The following CHDH variants were observed in gnomAD, a reference collection of about 807,000 sequenced individuals.
The protein encoded by CHDH is choline dehydrogenase, mitochondrial.
CHDH carries 43 observed loss-of-function variants against 56.9 expected under a neutral mutation model. The ratio of observed to expected loss-of-function variants is 0.76; its 90% CI spans 0.59 to 0.97. The LOEUF (loss-of-function observed/expected upper bound fraction) is 0.97, where lower values mean the gene tolerates loss of function less well. Among genes scored for constraint, CHDH ranks in the 50% least tolerant of loss-of-function variants. CHDH has a pLI of 0.00. For synonymous variants in CHDH, 364 were observed against 348.5 expected (o/e 1.04, Z -0.50); for missense variants, 816 against 821.1 (o/e 0.99, Z 0.08).
rs2106954629 is a variant in CHDH, at chr3:53,817,772, C to G, written c.*5G>C. On this transcript the variant is annotated 3_prime_UTR_variant, in exon 9 of 9. Coordinates refer to ENST00000315251, the MANE Select transcript of CHDH (RefSeq NM_018397.5). ...TTCCCTGGTCATCCTCCAGCAGCAA[C>G]TGTCTTAGCGCTGGGTGGCCAGCGT... 1 of 1,580,240 alleles carries G rather than the reference C, an allele frequency of 6.3e-7. No individual in the cohort carries two copies. The highest frequency in any genetic ancestry group is 1.2e-5 in the South Asian group (1 of 84,892).
rs895650150 is a variant in CHDH, at chr3:53,821,099, G to A, written c.986-491C>T. ...CAACATCATGAAGCAGCACTTCCCCGGGCCCCTCATGATGAAGCCTAAAGG... is the reference window on the plus strand; with the variant it reads ...CAACATCATGAAGCAGCACTTCCCCAGGCCCCTCATGATGAAGCCTAAAGG... On this transcript the variant is annotated intron_variant, in intron 5 of 8. Transcript: ENST00000315251. 4.6e-5 allele frequency among the ~76,000 whole-genome samples: 7 copies of A among 152,354 alleles called. No individual in the cohort carries two copies. The East Asian group carries it at 5.8e-4, about 13-fold the overall frequency.
At position 53,814,985 on chromosome 3, in the gene CHDH, A is replaced by AGAT. The variant is rs536455266; in HGVS notation, c.*2789_*2791dup. On this transcript the variant is annotated 3_prime_UTR_variant, in exon 9 of 9. Transcript: ENST00000315251. Reference sequence around the variant, plus strand: ...AAGAAGAATCTATTTGAATTCGTGGAGATGATGCCTGCAACCTTCGCTACA... The same window carrying AGAT: ...AAGAAGAATCTATTTGAATTCGTGGAGATGATGATGCCTGCAACCTTCGCTACA... 41 of 152,280 alleles carry AGAT rather than the reference A, an allele frequency of 2.7e-4. No individual in the cohort carries two copies. Among genetic ancestry groups the AGAT allele is most frequent in the African/African-American group, 9.9e-4 (41 of 41,542 alleles). The allele number at this position is 152,280 out of a possible 1,614,324, so 9.4% of individuals were successfully genotyped here.
intron 2 of CHDH, among the ~76,000 whole-genome samples, chr3:53,837,413 C>T (rs1465267049): frequency 1.3e-5 from 2 of 152,178 alleles, no homozygotes; most frequent in Admixed American, 6.5e-5. Flanking sequence ...TAAAAAGGGG[C>T]AGATGGGACT....
At chr3:53,839,920 G>A (rs1211895500) in intron 2 of CHDH, among the ~76,000 whole-genome samples, 1 of 152,204 alleles carries the variant, frequency 6.6e-6, no homozygotes, top group East Asian at 1.9e-4. Context: ...CAGCAACACT[G>A]ATGGAAATGG....
At chr3:53,821,502 A>G in intron 5 of CHDH, 145 bp downstream of exon 5, 2 of 704,708 alleles carry the variant, frequency 2.8e-6, no homozygotes, top group Non-Finnish European at 4.8e-6. Flanking sequence ...AGGCCTGGGA[A>G]ACCTTCGGGC....
Position 53,823,837 on chromosome 3 carries a change from T to C in CHDH, c.172A>G (p.Arg58Gly), listed in dbSNP as rs758785924. The change falls in exon 3 of 9, where the codon AGG becomes GGG. Residue 58 changes from arginine to glycine, a missense_variant. Physicochemically the swap from Arg to Gly is moderately radical, Grantham distance 125. Coordinates refer to ENST00000315251, the MANE Select transcript of CHDH (RefSeq NM_018397.5). Reference protein sequence around the residue: ...AGSAGCVLAGRLTEDPAERVL... With the variant: ...AGSAGCVLAGGLTEDPAERVL... ...CGCTCGGCGGGGTCCTCCGTGAGCC[T>C]CCCAGCCAGCACGCAGCCCGCCGAG... 2 of 1,584,698 alleles carry C rather than the reference T, an allele frequency of 1.3e-6. No individual in the cohort carries two copies. The highest frequency in any genetic ancestry group is 1.1e-5 in the South Asian group (1 of 89,148).
intron 1 of CHDH, among the ~76,000 whole-genome samples, chr3:53,843,951 C>T (rs1698762189): frequency 6.6e-6 from 1 of 152,216 alleles, no homozygotes; most frequent in South Asian, 2.1e-4. Context: ...TCCGGCAGGC[C>T]ACCTGGGACC....
At position 53,816,131 on chromosome 3, in the gene CHDH, A is replaced by ACCCCCCCCCCCCC. The variant is rs202031062; in HGVS notation, c.*1645_*1646insGGGGGGGGGGGGG. On this transcript the variant is annotated 3_prime_UTR_variant, in exon 9 of 9. Transcript: ENST00000315251. ...CAGAAAACTAACTTGTGGCTGTCGG[A>ACCCCCCCCCCCCC]CGCCCCCCCCCCCCGCCCCAGTCTG... is the stretch of plus-strand genomic sequence containing the variant. 3.4e-5 allele frequency: 3 copies of ACCCCCCCCCCCCC among 86,966 alleles called. No homozygotes were observed. The highest frequency in any genetic ancestry group is 2.1e-4 in the African/African-American group (3 of 14,280). The allele number at this position is 86,966 out of a possible 1,614,324, so 5.4% of individuals were successfully genotyped here.
At chr3:53,841,281 C>G (rs1349354979) in intron 1 of CHDH, among the ~76,000 whole-genome samples, 2 of 152,176 alleles carry the variant, frequency 1.3e-5, no homozygotes, top group Non-Finnish European at 2.9e-5. Flanking sequence ...AATCCACCAG[C>G]TTAGGAGGTT....
Position 53,819,589 on chromosome 3 carries a change from G to A in CHDH, c.1206C>T (p.Phe402=), listed in dbSNP as rs754354587. 1.2e-6 allele frequency: 2 copies of A among 1,612,536 alleles called. No homozygotes were observed. The highest frequency in any genetic ancestry group is 1.7e-6 in the Non-Finnish European group (2 of 1,179,240). Residue 402 remains phenylalanine, a synonymous_variant, in exon 7 of 9, where the codon TTC becomes TTT. Transcript: ENST00000315251. This position sits in a 1 kb window ranked among gnomAD's most constrained non-coding sequence, Gnocchi z 5.4. ...CGTGGTCAATCACTTGGGATGGCAGGAAATGGAACTGGATGTCCGGGTGGG... is the reference window on the plus strand; with the variant it reads ...CGTGGTCAATCACTTGGGATGGCAGAAAATGGAACTGGATGTCCGGGTGGG... The part of the protein sequence containing the change: ...GVPHPDIQFH[F]LPSQVIDHGR...
rs190386627 is a variant in CHDH at position 53,844,038 on chromosome 3, G to C, written c.-131+2045C>G. On this transcript the variant is annotated intron_variant, in intron 1 of 8. Transcript: ENST00000315251. ...CCCGAGGGGACAGGCAGACACACCTGTTTGCCCACCTCAACCTCCAGTTGT... is the reference window on the plus strand; with the variant it reads ...CCCGAGGGGACAGGCAGACACACCTCTTTGCCCACCTCAACCTCCAGTTGT... Among the ~76,000 whole-genome samples the C allele has an allele frequency of 1.3e-3, 192 of 152,276 alleles. 1 individual carries two copies. The highest frequency in any genetic ancestry group is 2.2e-3 in the Admixed American group (33 of 15,300).
At chr3:53,844,026 G>C (rs1226217799) in intron 1 of CHDH, among the ~76,000 whole-genome samples, 3 of 152,182 alleles carry the variant, frequency 2.0e-5, no homozygotes, top group Non-Finnish European at 4.4e-5. Flanking sequence ...GAGGGGACAG[G>C]CAGACACACC....
chr3:53,825,069 T>C (rs1488952248), intron 2 of CHDH, among the ~76,000 whole-genome samples: 2 of 152,190 alleles, frequency 1.3e-5, no homozygotes, highest in Non-Finnish European at 2.9e-5. Context: ...GCTGGAACAC[T>C]GAGAAGAACT....
chr3:53,840,467 A>G (rs2106985966), intron 2 of CHDH, among the ~76,000 whole-genome samples: 1 of 152,180 alleles, frequency 6.6e-6, no homozygotes, highest in South Asian at 2.1e-4. Context: ...GTTCAAGGTT[A>G]CGTGAGCTAT....
chr3:53,823,248 T>C (rs1487471497), intron 3 of CHDH, 58 bp downstream of exon 3: 1 of 1,408,122 alleles, frequency 7.1e-7, no homozygotes, highest in Non-Finnish European at 9.3e-7. Flanking sequence ...CGGGCCAAGA[T>C]GGGTGGGGGC....
chr3:53,839,166 T>C (rs1698597314), intron 2 of CHDH, among the ~76,000 whole-genome samples: 1 of 152,236 alleles, frequency 6.6e-6, no homozygotes, highest in Non-Finnish European at 1.5e-5. Context: ...GACCGACTTC[T>C]CTGTATAGTC....
At chr3:53,833,998 C>G (rs1208332871) in intron 2 of CHDH, among the ~76,000 whole-genome samples, 2 of 152,170 alleles carry the variant, frequency 1.3e-5, no homozygotes, top group Admixed American at 6.5e-5. Context: ...ACCCCCACCC[C>G]CAATGCCAGT....
chr3:53,822,430 C>T, intron 4 of CHDH, 61 bp downstream of exon 4: 2 of 1,512,346 alleles, frequency 1.3e-6, no homozygotes, highest in Non-Finnish European at 9.0e-7. Flanking sequence ...CCACTCTGAG[C>T]TGGACCACCA....
rs574970749 is a variant in CHDH, at chr3:53,822,629, G to A, written c.717C>T (p.Ser239=). ...CTGGGTGCAGGTAGGCACAGGCCGCGCTCCACCGTTTGCCTGCAGGATGGA... is the reference window on the plus strand; with the variant it reads ...CTGGGTGCAGGTAGGCACAGGCCGCACTCCACCGTTTGCCTGCAGGATGGA... ...DMTIHEGKRW[S]AACAYLHPAL... Residue 239 remains serine, a synonymous_variant, in exon 4 of 9, where the codon AGC becomes AGT. Transcript: ENST00000315251. 2.1e-5 allele frequency: 34 copies of A among 1,608,720 alleles called. No individual in the cohort carries two copies. The highest frequency in any genetic ancestry group is 9.9e-5 in the South Asian group (9 of 91,066).
Sources: gnomAD v4.1 joint callset for allele counts (sites outside exome capture counted in the v4.1 genomes callset) on GRCh38, gnomAD v4.1.1 for gene constraint, Gnocchi (gnomAD v3.1) non-coding constraint, MANE v1.5 for transcripts, NCBI Gene and HGNC (gene_info 2026-07-23, HGNC 2026-07-21) for gene names.